IMMP2L: variants seen among roughly 807,000 people sequenced by gnomAD.
IMMP2L encodes the protein inner mitochondrial membrane peptidase subunit 2.
A neutral mutation model predicts 19.3 loss-of-function variants in IMMP2L; 18 were observed. The ratio of observed to expected loss-of-function variants is 0.93; its 90% CI spans 0.64 to 1.38. The LOEUF (loss-of-function observed/expected upper bound fraction) is 1.38, where lower values mean the gene tolerates loss of function less well. Ranked by LOEUF, IMMP2L falls within the 40% of genes most tolerant of loss-of-function variation. IMMP2L has a pLI of 0.00. For synonymous variants in IMMP2L, 76 were observed against 73.0 expected (o/e 1.04, Z -0.21); for missense variants, 233 against 218.2 (o/e 1.07, Z -0.43).
At chr7:110,747,284 A>G (rs965116610) in intron 5 of IMMP2L, among the ~76,000 whole-genome samples, 7 of 152,206 alleles carry the variant, frequency 4.6e-5, no homozygotes, top group African/African-American at 1.7e-4. Flanking sequence ...AAAAAGTCCG[A>G]GAACTGATGG....
intron 3 of IMMP2L, among the ~76,000 whole-genome samples, chr7:111,183,218 A>T (rs949175441): frequency 2.0e-5 from 3 of 152,106 alleles, no homozygotes; most frequent in African/African-American, 7.2e-5. Context: ...GTTTTTATGA[A>T]ATGCATGTTA....
At position 110,803,848 on chromosome 7, in the gene IMMP2L, G is replaced by T. The variant is rs190790514; in HGVS notation, c.408+82745C>A. 6.6e-6 allele frequency among the ~76,000 whole-genome samples: 1 copy of T among 152,168 alleles called. No individual in the cohort carries two copies. The highest frequency in any genetic ancestry group is 2.4e-5 in the African/African-American group (1 of 41,544). On this transcript the variant is annotated intron_variant, in intron 5 of 5. Transcript: ENST00000405709. This position sits in a 1 kb window ranked among gnomAD's most constrained non-coding sequence, Gnocchi z 4.2. ...TATCTCAACACTTGGGGACTTGTTA[G>T]ACATGCAAATTATCTTGCCCCACCT...
intron 3 of IMMP2L, among the ~76,000 whole-genome samples, chr7:111,235,419 T>C (rs938561900): frequency 6.6e-6 from 1 of 150,906 alleles, no homozygotes; most frequent in East Asian, 2.0e-4. Context: ...CGCGGTGAGC[T>C]GAGATCATGC....
intron 3 of IMMP2L, among the ~76,000 whole-genome samples, chr7:111,338,188 T>C (rs1826643722): frequency 6.6e-6 from 1 of 152,094 alleles, no homozygotes; most frequent in Non-Finnish European, 1.5e-5. Context: ...ATGATAACTG[T>C]AGGGCAAAGA....
chr7:111,099,017 T>C (rs1279961663), intron 3 of IMMP2L, among the ~76,000 whole-genome samples: 3 of 151,760 alleles, frequency 2.0e-5, no homozygotes, highest in African/African-American at 7.2e-5. Flanking sequence ...ATGCTTTAAT[T>C]ATTTATATCT....
intron 3 of IMMP2L, among the ~76,000 whole-genome samples, chr7:111,267,768 A>G (rs2130098090): frequency 6.6e-6 from 1 of 152,118 alleles, no homozygotes; most frequent in Admixed American, 6.5e-5. Context: ...TCTCATCCAT[A>G]AAGGTGTTTG....
chr7:111,047,168 CTTTTTTGTTTT>C (rs199536840), intron 3 of IMMP2L, among the ~76,000 whole-genome samples: 2,090 of 19,242 alleles, frequency 0.11, 47 homozygotes, highest in African/African-American at 0.16. Flanking sequence ...TTCAAAATGT[CTTTTTTGTTTT>C]TTTTTTGTTT....
chr7:111,430,245 G>C (rs181073645), intron 3 of IMMP2L, among the ~76,000 whole-genome samples: 1 of 151,814 alleles, frequency 6.6e-6, no homozygotes, highest in East Asian at 1.9e-4. Context: ...AAATACGTTT[G>C]AATTTTTTCA....
At chr7:110,921,242 C>T (rs1585274197) in intron 4 of IMMP2L, among the ~76,000 whole-genome samples, 1 of 152,190 alleles carries the variant, frequency 6.6e-6, no homozygotes, top group Non-Finnish European at 1.5e-5. Flanking sequence ...ATTCAATTCT[C>T]CACACTTCAC....
At chr7:111,206,856 C>T (rs1469181174) in intron 3 of IMMP2L, among the ~76,000 whole-genome samples, 8 of 152,008 alleles carry the variant, frequency 5.3e-5, no homozygotes, top group African/African-American at 1.9e-4. Context: ...AAACAATAAG[C>T]CTCATCAGGG....
intron 3 of IMMP2L, among the ~76,000 whole-genome samples, chr7:111,054,235 A>C (rs923530589): frequency 6.6e-6 from 1 of 152,230 alleles, no homozygotes; most frequent in African/African-American, 2.4e-5. Flanking sequence ...TATGCCACTG[A>C]GACAGAAGAT....
In IMMP2L at chr7:111,043,623, C is replaced by G. The variant is rs147039019; in HGVS notation, c.240-80058G>C. On this transcript the variant is annotated intron_variant, in intron 3 of 5. Coordinates refer to ENST00000405709, the MANE Select transcript of IMMP2L (RefSeq NM_032549.4). Reference sequence around the variant, plus strand: ...AAAGAACAAACAGAATAGTAAAAAGCTATGTTTCAATACTGGAAAATGCAA... The same window carrying G: ...AAAGAACAAACAGAATAGTAAAAAGGTATGTTTCAATACTGGAAAATGCAA... 8.5e-3 allele frequency among the ~76,000 whole-genome samples: 1,295 copies of G among 152,248 alleles called. 17 individuals are homozygous for G. Among genetic ancestry groups the G allele is most frequent in the African/African-American group, 0.028 (1,171 of 41,550 alleles).
At chr7:111,481,158 T>C (rs891769146) in intron 3 of IMMP2L, among the ~76,000 whole-genome samples, 21 of 152,152 alleles carry the variant, frequency 1.4e-4, no homozygotes, top group African/African-American at 4.8e-4. Context: ...TGTATGTTCA[T>C]AATACAGTAA....
intron 3 of IMMP2L, among the ~76,000 whole-genome samples, chr7:111,199,743 A>G (rs533609064): frequency 1.3e-5 from 2 of 152,246 alleles, no homozygotes; most frequent in Non-Finnish European, 1.5e-5. Flanking sequence ...TAAAATTACA[A>G]TCTTATGAGT....
chr7:111,058,810 C>T (rs1793746423), intron 3 of IMMP2L, among the ~76,000 whole-genome samples: 1 of 152,128 alleles, frequency 6.6e-6, no homozygotes. Flanking sequence ...TGAGTCCTAT[C>T]CTACTAATGC....
intron 4 of IMMP2L, among the ~76,000 whole-genome samples, chr7:110,903,841 C>T (rs1348175568): frequency 2.0e-5 from 3 of 151,918 alleles, no homozygotes; most frequent in South Asian, 2.1e-4. Context: ...CGATTCCCAC[C>T]GACAGTGTTC....
In IMMP2L at chr7:111,189,420, C is replaced by T. The variant is rs1263342336; in HGVS notation, c.240-225855G>A. Among the ~76,000 whole-genome samples the T allele has an allele frequency of 2.0e-5, 3 of 150,178 alleles. No individual in the cohort carries two copies. In the East Asian group the frequency reaches 5.9e-4, roughly 29 times the overall value. On this transcript the variant is annotated intron_variant, in intron 3 of 5. Coordinates refer to ENST00000405709, the MANE Select transcript of IMMP2L (RefSeq NM_032549.4). ...AAGGGCCTGCCAGAAAAGAAATTAG[C>T]TTGACATTAATGACCAGAAGAACAG...
chr7:111,019,704 C>T (rs1826080365), intron 3 of IMMP2L, among the ~76,000 whole-genome samples: 1 of 152,098 alleles, frequency 6.6e-6, no homozygotes, highest in Non-Finnish European at 1.5e-5. Context: ...GTTGGAAGAG[C>T]CAGTATAAAT....
At chr7:110,737,265 T>C (rs1172374857) in intron 5 of IMMP2L, among the ~76,000 whole-genome samples, 1 of 152,110 alleles carries the variant, frequency 6.6e-6, no homozygotes, top group East Asian at 1.9e-4. Flanking sequence ...ATGGGGAGGT[T>C]TGTGGTCTGG....
Sources: gnomAD v4.1 joint callset for allele counts (sites outside exome capture counted in the v4.1 genomes callset) on GRCh38, gnomAD v4.1.1 for gene constraint, Gnocchi (gnomAD v3.1) non-coding constraint, MANE v1.5 for transcripts, NCBI Gene and HGNC (gene_info 2026-07-23, HGNC 2026-07-21) for gene names.